The following GRIA2 variants were observed in gnomAD, a reference collection of about 807,000 sequenced individuals.
GRIA2 encodes glutamate ionotropic receptor AMPA type subunit 2.
In GRIA2, 14 loss-of-function variants were observed where a neutral mutation model predicts 97.3. That is an observed-to-expected ratio of 0.14 (90% confidence interval 0.10 to 0.23). The LOEUF (loss-of-function observed/expected upper bound fraction) is 0.23. Among genes scored for constraint, GRIA2 ranks in the 10% least tolerant of loss-of-function variants. The pLI, the probability that GRIA2 is intolerant of heterozygous loss-of-function variation, is 1.00. For synonymous variants in GRIA2, 412 were observed against 387.8 expected (o/e 1.06, Z -0.73); for missense variants, 558 against 1,069.8 (o/e 0.52, Z 6.67).
At chr4:157,231,137 C>T (rs1166869801) in intron 2 of GRIA2, among the ~76,000 whole-genome samples, 6 of 152,042 alleles carry the variant, frequency 3.9e-5, no homozygotes, top group Non-Finnish European at 7.4e-5. Context: ...CCTCTGGGTT[C>T]AAGCAGTTTT....
At chr4:157,288,992 C>A (rs1012173939) in intron 2 of GRIA2, among the ~76,000 whole-genome samples, 1 of 151,764 alleles carries the variant, frequency 6.6e-6, no homozygotes, top group East Asian at 1.9e-4. Flanking sequence ...TCCCTTTTAA[C>A]AATGTATTTG....
At chr4:157,289,529 C>A (rs1219767100) in intron 2 of GRIA2, among the ~76,000 whole-genome samples, 1 of 151,754 alleles carries the variant, frequency 6.6e-6, no homozygotes, top group Non-Finnish European at 1.5e-5. Flanking sequence ...AGGTAAAATT[C>A]AAGATTCTTA....
At chr4:157,236,879 A>T (rs1041235699) in intron 2 of GRIA2, among the ~76,000 whole-genome samples, 2 of 152,094 alleles carry the variant, frequency 1.3e-5, no homozygotes, top group Non-Finnish European at 2.9e-5. Context: ...TGATACATAC[A>T]TTAAAGTAGC....
intron 2 of GRIA2, among the ~76,000 whole-genome samples, chr4:157,248,587 A>ATATATATACGTGTG (rs1730854556): frequency 9.1e-6 from 1 of 109,458 alleles, no homozygotes; most frequent in African/African-American, 3.1e-5. Flanking sequence ...ATATACGTGT[A>ATATATATACGTGTG]TATATGTATA....
chr4:157,290,630 T>C (rs1733054547), intron 2 of GRIA2, among the ~76,000 whole-genome samples: 1 of 151,888 alleles, frequency 6.6e-6, no homozygotes, highest in African/African-American at 2.4e-5. Context: ...ACTTACTTTA[T>C]ATTATTCACA....
intron 6 of GRIA2, among the ~76,000 whole-genome samples, chr4:157,326,526 G>A (rs1734809338): frequency 1.3e-5 from 2 of 152,204 alleles, no homozygotes; most frequent in Non-Finnish European, 2.9e-5. Flanking sequence ...AAGGTACTGT[G>A]GTATCACCTA....
intron 2 of GRIA2, among the ~76,000 whole-genome samples, chr4:157,286,440 T>G (rs1004177886): frequency 1.3e-5 from 2 of 151,358 alleles, no homozygotes; most frequent in African/African-American, 4.8e-5. Context: ...TACATGACAT[T>G]TTTTTTGGAG....
At chr4:157,332,438 G>T (rs1215092037) in intron 6 of GRIA2, among the ~76,000 whole-genome samples, 2 of 151,612 alleles carry the variant, frequency 1.3e-5, no homozygotes, top group African/African-American at 4.8e-5. Context: ...TTTCTCATTG[G>T]ACTGTAAAGA....
rs1268238909 is a variant in GRIA2 at position 157,363,784 on chromosome 4, A to G, written c.*353A>G. The G allele has an allele frequency of 2.7e-6, 1 of 375,524 alleles. No individual in the cohort carries two copies. Among genetic ancestry groups the G allele is most frequent in the South Asian group, 1.5e-4 (1 of 6,882 alleles). The allele number at this position is 375,524 out of a possible 1,614,324, so 23.3% of individuals were successfully genotyped here. Reference sequence around the variant, plus strand: ...CAACATCTTTTTCTACTCGAGTTACAGACAAAGCGTGGTGGACATGCACAG... The same window carrying G: ...CAACATCTTTTTCTACTCGAGTTACGGACAAAGCGTGGTGGACATGCACAG... On this transcript the variant is annotated 3_prime_UTR_variant, in exon 16 of 16. Transcript: ENST00000264426.
In GRIA2 at chr4:157,335,763, C is replaced by T. The variant is rs752578545; in HGVS notation, c.1359C>T (p.Ile453=). The change falls in exon 10 of 16, where the codon ATC becomes ATT. Residue 453 remains isoleucine (I), a synonymous_variant. Coordinates refer to ENST00000264426, the MANE Select transcript of GRIA2 (RefSeq NM_001083619.3). ...EGYCVDLAAE[I]AKHCGFKYKL... is the part of the protein sequence containing the mutation. ...ACTGTGTTGACCTGGCTGCAGAAAT[C>T]GCCAAACATTGTGGGTTCAAGTACA... 2.5e-6 allele frequency: 4 copies of T among 1,612,314 alleles called. No individual in the cohort carries two copies. The highest frequency in any genetic ancestry group is 1.3e-5 in the African/African-American group (1 of 74,814).
chr4:157,250,653 A>G (rs1730980012), intron 2 of GRIA2, among the ~76,000 whole-genome samples: 1 of 152,152 alleles, frequency 6.6e-6, no homozygotes, highest in Admixed American at 6.6e-5. Context: ...ATATAAACAC[A>G]TAAACTTCAC....
At chr4:157,348,167 C>T (rs1199853379) in intron 12 of GRIA2, among the ~76,000 whole-genome samples, 1 of 152,004 alleles carries the variant, frequency 6.6e-6, no homozygotes, top group African/African-American at 2.4e-5. Context: ...GCATTTCTAG[C>T]AGACAATTTT....
Position 157,365,522 on chromosome 4 carries a change from TGTAAA to T in GRIA2, c.*2094_*2098del, listed in dbSNP as rs1200177483. ...GAACTAATGTAAATAATTGAAATAATGTAAAGTTATATTTTCATGTTTTTATAGAT... is the reference window on the plus strand; with the variant it reads ...GAACTAATGTAAATAATTGAAATAATGTTATATTTTCATGTTTTTATAGAT... On this transcript the variant is annotated 3_prime_UTR_variant, in exon 16 of 16. Coordinates refer to ENST00000264426, the MANE Select transcript of GRIA2 (RefSeq NM_001083619.3). 4 of 151,992 alleles carry T rather than the reference TGTAAA, an allele frequency of 2.6e-5. No individual in the cohort carries two copies. The highest frequency in any genetic ancestry group is 5.9e-5 in the Non-Finnish European group (4 of 67,624). The allele number at this position is 151,992 out of a possible 1,614,324, so 9.4% of individuals were successfully genotyped here. A position where few individuals can be genotyped will look rare whatever the true frequency, so the allele number is the denominator to read the frequency against.
intron 2 of GRIA2, 59 bp from the exon 3 acceptor site, chr4:157,303,493 T>G: frequency 6.8e-7 from 1 of 1,480,064 alleles, no homozygotes; most frequent in Non-Finnish European, 9.4e-7. Context: ...TTAAGCAAAT[T>G]CATATGATTG....
intron 12 of GRIA2, 141 bp from the exon 13 acceptor site, chr4:157,359,755 G>GA (rs545195482): frequency 0.014 from 9,986 of 699,634 alleles, 114 homozygotes; most frequent in Non-Finnish European, 0.02. Context: ...TGTTATTAGT[G>GA]AAAAAAATTG....
At chr4:157,233,381 T>C (rs1474744492) in intron 2 of GRIA2, among the ~76,000 whole-genome samples, 1 of 152,152 alleles carries the variant, frequency 6.6e-6, no homozygotes, top group African/African-American at 2.4e-5. Context: ...AAGCACATAT[T>C]TAAGATATCT....
rs779071260 is a variant in GRIA2, at chr4:157,303,806, C to T, written c.469+15C>T. The T allele has an allele frequency of 3.1e-6, 5 of 1,611,804 alleles. No individual in the cohort carries two copies. In the African/African-American group the frequency reaches 6.7e-5, roughly 22 times the overall value. On this transcript the variant is annotated intron_variant, in intron 3 of 15. Transcript: ENST00000264426. ...CAGTGACAGAGGTAAGTGACAGTATCTCATCTCTTTGTAATGGGGCGAATT... is the reference window on the plus strand; with the variant it reads ...CAGTGACAGAGGTAAGTGACAGTATTTCATCTCTTTGTAATGGGGCGAATT...
chr4:157,273,013 A>G (rs754736932), intron 2 of GRIA2, among the ~76,000 whole-genome samples: 7 of 152,094 alleles, frequency 4.6e-5, no homozygotes, highest in Non-Finnish European at 7.4e-5. Flanking sequence ...GATTCAACCA[A>G]CTACAGATCA....
chr4:157,229,591 T>C (rs951588579), intron 2 of GRIA2, among the ~76,000 whole-genome samples: 1 of 152,218 alleles, frequency 6.6e-6, no homozygotes, highest in African/African-American at 2.4e-5. Flanking sequence ...TATGTAATGT[T>C]TATAGTTTTA....
Sources: allele counts gnomAD v4.1 joint callset (sites outside exome capture counted in the v4.1 genomes callset), GRCh38; gene constraint gnomAD v4.1.1; transcripts MANE v1.5; gene names NCBI Gene and HGNC (gene_info 2026-07-23, HGNC 2026-07-21).